Variants in ABCC1 observed in about 807,000 individuals in gnomAD.
ABCC1 encodes multidrug resistance-associated protein 1.
Under a neutral mutation model 172.9 loss-of-function variants are expected in ABCC1, and 83 were observed. That is an observed-to-expected ratio of 0.48 (90% CI 0.40 to 0.58). The LOEUF (loss-of-function observed/expected upper bound fraction) is 0.58. ABCC1 is among the 20% of genes least tolerant of loss of function. The pLI, the probability that ABCC1 is intolerant of heterozygous loss-of-function variation, is 0.00. For synonymous variants in ABCC1, 937 were observed against 825.2 expected (o/e 1.14, Z -2.32); for missense variants, 1,817 against 2,002.7 (o/e 0.91, Z 1.77).
At chr16:15,963,976 C>T (rs2046192723) in intron 1 of ABCC1, among the ~76,000 whole-genome samples, 1 of 150,836 alleles carries the variant, frequency 6.6e-6, no homozygotes, top group Non-Finnish European at 1.5e-5. Context: ...TGGAGTCTCT[C>T]TCTGTTGCCC....
chr16:16,038,762 C>T (rs1404783916), intron 7 of ABCC1, among the ~76,000 whole-genome samples: 2 of 152,192 alleles, frequency 1.3e-5, no homozygotes, highest in Non-Finnish European at 2.9e-5. Context: ...AAGCAGGCCA[C>T]ATTTGTAGTG....
At chr16:16,027,566 A>T (rs915684113) in intron 5 of ABCC1, among the ~76,000 whole-genome samples, 2 of 152,084 alleles carry the variant, frequency 1.3e-5, no homozygotes, top group African/African-American at 2.4e-5. Context: ...TAATCCCAGG[A>T]CTTTGGGAGG....
intron 3 of ABCC1, among the ~76,000 whole-genome samples, chr16:16,011,389 G>T (rs2047779790): frequency 1.3e-5 from 2 of 152,140 alleles, no homozygotes. Flanking sequence ...GAAGGTTGGG[G>T]GGATAGAGTG....
intron 5 of ABCC1, among the ~76,000 whole-genome samples, chr16:16,023,403 C>T (rs555432711): frequency 1.3e-5 from 2 of 152,270 alleles, no homozygotes; most frequent in Non-Finnish European, 2.9e-5. Flanking sequence ...CTTTAAACCC[C>T]TGTCAAGATA....
chr16:16,102,577 G>C lies in ABCC1; in HGVS notation c.2645-50G>C, dbSNP rs749492087. 3.9e-6 allele frequency: 6 copies of C among 1,531,518 alleles called. No homozygotes were observed. The South Asian group carries it at 7.2e-5, about 18-fold the overall frequency. 94.9% of individuals were successfully genotyped at this position (1,531,518 alleles called of 1,614,324 possible). ...CCGGTTTTTGTTGCCCTTGGTTTTA[G>C]CATCTGCCTCATATAACCCCACTTG... is the stretch of plus-strand genomic sequence containing the variant. On this transcript the variant is annotated intron_variant, in intron 19 of 30. Transcript: ENST00000399410.
chr16:15,983,631 C>T (rs456640), intron 1 of ABCC1, among the ~76,000 whole-genome samples: 123,444 of 148,800 alleles, frequency 0.83, 51,402 homozygotes, highest in Non-Finnish European at 0.87. Flanking sequence ...TCACGGCTCA[C>T]TGTAGCCTTG....
At chr16:16,115,208 G>T (rs2044804826) in intron 23 of ABCC1, 132 bp downstream of exon 23, 1 of 1,018,022 alleles carries the variant, frequency 9.8e-7, no homozygotes, top group East Asian at 2.6e-5. Context: ...GTTTTTGTCA[G>T]TTTCGAATAC....
intron 26 of ABCC1, among the ~76,000 whole-genome samples, chr16:16,128,658 T>C (rs1455327898): frequency 6.6e-6 from 1 of 152,178 alleles, no homozygotes; most frequent in East Asian, 1.9e-4. Flanking sequence ...TTCAATTATG[T>C]ACATAAATTA....
intron 5 of ABCC1, among the ~76,000 whole-genome samples, chr16:16,020,581 C>T (rs937010417): frequency 6.6e-6 from 1 of 152,168 alleles, no homozygotes; most frequent in African/African-American, 2.4e-5. Context: ...GCTACAGAGA[C>T]TGTAGCACCC....
rs751066573 is a variant in ABCC1 at position 16,102,633 on chromosome 16, C to T, written c.2651C>T (p.Thr884Met). Residue 884 changes from threonine to methionine, a missense_variant, in exon 20 of 31, where the codon ACG becomes ATG. Physicochemically the swap from Thr to Met is moderately conservative, Grantham distance 81 (BLOSUM62 -1). Coordinates refer to ENST00000399410, the MANE Select transcript of ABCC1 (RefSeq NM_004996.4). ...TTTGTCTCTCTTCTGCCAGGGGTCA[C>T]GGGCGTCAGCGGTCCAGGGAAGGAA... ...QEQDAEENGV[T>M]GVSGPGKEAK... 2.1e-5 allele frequency: 33 copies of T among 1,579,890 alleles called. No individual in the cohort carries two copies. Among genetic ancestry groups the T allele is most frequent in the East Asian group, 1.8e-4 (8 of 43,514 alleles).
chr16:16,014,721 A>C (rs911826279), intron 4 of ABCC1, 93 bp downstream of exon 4: 2 of 1,484,586 alleles, frequency 1.3e-6, no homozygotes, highest in Non-Finnish European at 9.2e-7. Context: ...ATGCGTTGCC[A>C]TGGGAACCAG....
At chr16:16,059,262 C>A (rs62031985) in intron 12 of ABCC1, among the ~76,000 whole-genome samples, 1 of 152,082 alleles carries the variant, frequency 6.6e-6, no homozygotes, top group Non-Finnish European at 1.5e-5. Context: ...CATTAAATTT[C>A]GAGAGAGACT....
chr16:16,100,702 AG>A (rs1433590495), intron 19 of ABCC1, among the ~76,000 whole-genome samples: 2 of 152,234 alleles, frequency 1.3e-5, no homozygotes, highest in African/African-American at 4.8e-5. Context: ...AAATGTATTT[AG>A]TAATAAGCAA....
chr16:16,015,163 C>T (rs569668817), intron 4 of ABCC1, among the ~76,000 whole-genome samples: 38 of 129,124 alleles, frequency 2.9e-4, no homozygotes, highest in African/African-American at 7.9e-4. Context: ...GTTGTTGAGG[C>T]GGAGTCTCGC....
At chr16:15,980,808 A>T (rs1267601720) in intron 1 of ABCC1, among the ~76,000 whole-genome samples, 1 of 152,176 alleles carries the variant, frequency 6.6e-6, no homozygotes, top group Non-Finnish European at 1.5e-5. Flanking sequence ...GTCTTAGCTC[A>T]TTCCAGCATT....
At chr16:16,059,140 G>A (rs190063692) in intron 12 of ABCC1, among the ~76,000 whole-genome samples, 81 of 152,320 alleles carry the variant, frequency 5.3e-4, no homozygotes, top group African/African-American at 1.8e-3. Context: ...CCGTGGACCA[G>A]CAGCCATGGC....
intron 21 of ABCC1, among the ~76,000 whole-genome samples, chr16:16,108,231 C>A (rs1380792682): frequency 6.6e-6 from 1 of 151,200 alleles, no homozygotes; most frequent in Admixed American, 6.6e-5. Context: ...AAGTTGGACC[C>A]AGAGTGGAGC....
chr16:16,076,547 C>T, intron 15 of ABCC1, 146 bp downstream of exon 15: 1 of 724,184 alleles, frequency 1.4e-6, no homozygotes, highest in East Asian at 2.9e-5. Flanking sequence ...CCCATCTGGA[C>T]AATGGGTGCA....
chr16:16,119,359 T>G (rs948807990), intron 23 of ABCC1, among the ~76,000 whole-genome samples: 2 of 152,146 alleles, frequency 1.3e-5, no homozygotes, highest in African/African-American at 4.8e-5. Flanking sequence ...AAGGGTCACT[T>G]GAGCCTCGGA....
Sources: gnomAD v4.1 joint callset for allele counts (sites outside exome capture counted in the v4.1 genomes callset) on GRCh38, gnomAD v4.1.1 for gene constraint, MANE v1.5 for transcripts, NCBI Gene and HGNC (gene_info 2026-07-23, HGNC 2026-07-21) for gene names.